CALCR: variants seen among roughly 807,000 people sequenced by gnomAD.
CALCR encodes calcitonin receptor.
CALCR carries 47 observed loss-of-function variants against 59.5 expected under a neutral mutation model. The observed-to-expected ratio is 0.79, with a 90% CI of 0.63 to 1.01. The LOEUF (loss-of-function observed/expected upper bound fraction) is 1.01, where lower values mean the gene tolerates loss of function less well. CALCR is among the 50% of genes least tolerant of loss of function. CALCR has a pLI of 0.00. For synonymous variants in CALCR, 213 were observed against 211.3 expected, an observed-to-expected ratio of 1.01 and a Z score of -0.07; for missense variants, 566 against 597.1, an observed-to-expected ratio of 0.95 and a Z score of 0.54.
chr7:93,565,734 G>A (rs2116279480), intron 2 of CALCR, among the ~76,000 whole-genome samples: 1 of 152,308 alleles, frequency 6.6e-6, no homozygotes, highest in Admixed American at 6.5e-5. Flanking sequence ...CAGTGAAGAA[G>A]GTGCTAAAGC....
intron 8 of CALCR, among the ~76,000 whole-genome samples, chr7:93,459,041 T>G (rs1480187720): frequency 6.6e-6 from 1 of 152,156 alleles, no homozygotes; most frequent in Non-Finnish European, 1.5e-5. Context: ...GGGGACTTTT[T>G]GGGATGAAAA....
intron 2 of CALCR, among the ~76,000 whole-genome samples, chr7:93,511,640 C>G (rs2116047494): frequency 6.6e-6 from 1 of 152,080 alleles, no homozygotes; most frequent in East Asian, 1.9e-4. Context: ...TTAGACAATA[C>G]AGTTGTTGGA....
chr7:93,429,956 C>CA (rs1242491179), intron 13 of CALCR, among the ~76,000 whole-genome samples: 1 of 122,420 alleles, frequency 8.2e-6, no homozygotes, highest in Non-Finnish European at 1.6e-5. Flanking sequence ...TTTTTTGAGA[C>CA]AGAGTCTTGC....
intron 3 of CALCR, chr7:93,482,885 GTAA>G (rs777645429): frequency 1.9e-6 from 1 of 531,540 alleles, no homozygotes; most frequent in South Asian, 1.4e-5. Flanking sequence ...CAGATGAGCA[GTAA>G]TAATCTGCAT....
chr7:93,535,555 T>C (rs553545326), intron 2 of CALCR, among the ~76,000 whole-genome samples: 5 of 151,832 alleles, frequency 3.3e-5, no homozygotes, highest in Non-Finnish European at 7.4e-5. Context: ...ACACTATTAC[T>C]TCTATGAATA....
chr7:93,526,785 G>A (rs1300501573), intron 2 of CALCR, among the ~76,000 whole-genome samples: 1 of 151,992 alleles, frequency 6.6e-6, no homozygotes. Flanking sequence ...AATTTTAGAA[G>A]CTTATTCAAC....
chr7:93,539,142 T>G (rs938695702), intron 2 of CALCR, among the ~76,000 whole-genome samples: 1 of 152,148 alleles, frequency 6.6e-6, no homozygotes, highest in African/African-American at 2.4e-5. Context: ...CTCCTTCTTT[T>G]TATATATAAA....
chr7:93,470,281 A>ACT (rs1452789267), intron 6 of CALCR, among the ~76,000 whole-genome samples: 1 of 150,292 alleles, frequency 6.7e-6, no homozygotes, highest in Non-Finnish European at 1.5e-5. Context: ...ACACACACAC[A>ACT]CACTCACCTA....
chr7:93,477,231 A>T (rs1800684898), intron 5 of CALCR, among the ~76,000 whole-genome samples: 1 of 151,870 alleles, frequency 6.6e-6, no homozygotes, highest in Non-Finnish European at 1.5e-5. Flanking sequence ...CATAATTAAG[A>T]TTTCTACCCC....
intron 5 of CALCR, among the ~76,000 whole-genome samples, chr7:93,475,979 T>C (rs1472169152): frequency 6.6e-6 from 1 of 151,836 alleles, no homozygotes; most frequent in Non-Finnish European, 1.5e-5. Context: ...TCACTCCAGA[T>C]TCACGCAGGG....
chr7:93,526,854 A>C (rs1263931417), intron 2 of CALCR, among the ~76,000 whole-genome samples: 1 of 152,076 alleles, frequency 6.6e-6, no homozygotes, highest in African/African-American at 2.4e-5. Context: ...GTTTGACAGC[A>C]TGAGATTGTG....
At position 93,477,566 on chromosome 7, in the gene CALCR, T is replaced by C; in HGVS notation, c.308A>G (p.Asp103Gly). The C allele has an allele frequency of 6.2e-7, 1 of 1,605,594 alleles. No individual in the cohort carries two copies. Among genetic ancestry groups the C allele is most frequent in the Middle Eastern group, 1.7e-4 (1 of 6,030 alleles). The stretch of plus-strand genomic sequence containing the variant: ...GAAAATAAACACTCTACCTGATGGA[T>C]CAAAATCCGGAAAATAATCTGGGCA... The part of the protein sequence containing the change: ...QFCPDYFPDF[D>G]PSEKVTKYCD... The change falls in exon 5 of 14, where the codon GAT becomes GGT. Residue 103 changes from aspartate (D) to glycine (G), a missense_variant. Transcript: ENST00000426151.
intron 11 of CALCR, among the ~76,000 whole-genome samples, chr7:93,437,108 GT>G (rs1799797814): frequency 6.6e-6 from 1 of 151,454 alleles, no homozygotes; most frequent in Non-Finnish European, 1.5e-5. Flanking sequence ...ATCAATTTCT[GT>G]TAATTTATGG....
chr7:93,448,507 G>A (rs1800047698), intron 8 of CALCR, among the ~76,000 whole-genome samples: 1 of 151,768 alleles, frequency 6.6e-6, no homozygotes, highest in Admixed American at 6.6e-5. Context: ...CCTGGGCTAG[G>A]GCTGCAAAAA....
rs149778850 is a variant in CALCR, at chr7:93,476,004, T to C, written c.316+1554A>G. Among the ~76,000 whole-genome samples the C allele has an allele frequency of 2.6e-5, 4 of 151,936 alleles. No individual in the cohort carries two copies. In the East Asian group the frequency reaches 7.8e-4, roughly 30 times the overall value. ...TTCACGCAGGGGAACTACTTGCAGATTCCGAGGTCCTGTCCCTAGAGATTC... is the reference window on the plus strand; with the variant it reads ...TTCACGCAGGGGAACTACTTGCAGACTCCGAGGTCCTGTCCCTAGAGATTC... On this transcript the variant is annotated intron_variant, in intron 5 of 13. Coordinates refer to ENST00000426151, the MANE Select transcript of CALCR (RefSeq NM_001742.4).
At chr7:93,567,744 C>A (rs889808683) in intron 2 of CALCR, among the ~76,000 whole-genome samples, 1 of 151,774 alleles carries the variant, frequency 6.6e-6, no homozygotes, top group Admixed American at 6.6e-5. Context: ...TGTTCCCTGC[C>A]CTGTGTCCAA....
intron 9 of CALCR, among the ~76,000 whole-genome samples, chr7:93,440,554 T>TGTGA (rs1219768981): frequency 6.6e-6 from 1 of 151,868 alleles, no homozygotes; most frequent in East Asian, 1.9e-4. Flanking sequence ...TCTGTGTGTG[T>TGTGA]GTGTGTGTGC....
chr7:93,534,883 C>T (rs1329371234), intron 2 of CALCR, among the ~76,000 whole-genome samples: 8 of 151,644 alleles, frequency 5.3e-5, no homozygotes, highest in Admixed American at 4.6e-4. Context: ...CAAAAGACAA[C>T]ATTTATTGAG....
At chr7:93,475,850 C>T (rs1248604965) in intron 5 of CALCR, among the ~76,000 whole-genome samples, 1 of 151,820 alleles carries the variant, frequency 6.6e-6, no homozygotes, top group South Asian at 2.1e-4. Context: ...CCATTATTCA[C>T]TCCCCACAGA....
Sources: gnomAD v4.1 joint callset for allele counts (sites outside exome capture counted in the v4.1 genomes callset) on GRCh38, gnomAD v4.1.1 for gene constraint, MANE v1.5 for transcripts, NCBI Gene and HGNC (gene_info 2026-07-23, HGNC 2026-07-21) for gene names.